SPARCL1: variants seen among roughly 807,000 people sequenced by gnomAD.
SPARCL1 encodes the protein SPARC-like protein 1.
SPARCL1 carries 52 observed loss-of-function variants against 67.1 expected under a neutral mutation model. That is an observed-to-expected ratio of 0.78 (90% CI 0.62 to 0.98). The LOEUF (loss-of-function observed/expected upper bound fraction) is 0.98. SPARCL1 is among the 50% of genes least tolerant of loss of function. The probability of loss-of-function intolerance (pLI) is 0.00; values close to 1 mark genes in which losing one functional copy is unlikely to be tolerated. For synonymous variants in SPARCL1, 226 were observed against 267.8 expected (o/e 0.84, Z 1.52); for missense variants, 717 against 782.4 (o/e 0.92, Z 1.00).
At chr4:87,523,788 T>A (rs147754737) in intron 1 of SPARCL1, among the ~76,000 whole-genome samples, 1 of 152,334 alleles carries the variant, frequency 6.6e-6, no homozygotes, top group African/African-American at 2.4e-5. Flanking sequence ...ATCCCAAGTG[T>A]ACATTACAAT....
chr4:87,519,637 T>C (rs954801013), intron 1 of SPARCL1, among the ~76,000 whole-genome samples: 2 of 152,170 alleles, frequency 1.3e-5, no homozygotes, highest in East Asian at 3.9e-4. Context: ...CAAATTTTTT[T>C]CCCTATAAGC....
chr4:87,493,985 G>A lies in SPARCL1; in HGVS notation c.815C>T (p.Ser272Phe). ...DQGNQEQEDN[S>F]NAEMEEENAS... ...ATTTTCCTCTTCCATTTCTGCATTG[G>A]AGTTATCTTCTTGTTCTTGGTTACC... The change falls in exon 4 of 11, where the codon TCC becomes TTC. Residue 272 changes from serine to phenylalanine, a missense_variant. Ser to Phe is a radical substitution (Grantham distance 155). Coordinates refer to ENST00000282470, the MANE Select transcript of SPARCL1 (RefSeq NM_004684.6). The A allele has an allele frequency of 6.2e-7, 1 of 1,614,024 alleles. No homozygotes were observed. Among genetic ancestry groups the A allele is most frequent in the Non-Finnish European group, 8.5e-7 (1 of 1,180,018 alleles).
rs765359802 is a variant in SPARCL1, at chr4:87,493,670, A to G, written c.1130T>C (p.Ile377Thr). The change falls in exon 4 of 11, where the codon ATT becomes ACT. Residue 377 changes from isoleucine (I) to threonine (T), a missense_variant. Physicochemically the swap from Ile to Thr is moderately conservative, Grantham distance 89. Transcript: ENST00000282470. Reference sequence around the variant, plus strand: ...CTCCTCAATTTTGAGGTGATAGGCAATGGATTGAGCTCTCTCGGCCTCCAG... The same window carrying G: ...CTCCTCAATTTTGAGGTGATAGGCAGTGGATTGAGCTCTCTCGGCCTCCAG... ...AFLEAERAQS[I>T]AYHLKIEEQR... 3.1e-6 allele frequency: 5 copies of G among 1,614,110 alleles called. No homozygotes were observed. The East Asian group carries it at 1.1e-4, about 36-fold the overall frequency.
At chr4:87,508,513 T>G (rs1725203576) in intron 1 of SPARCL1, among the ~76,000 whole-genome samples, 1 of 152,054 alleles carries the variant, frequency 6.6e-6, no homozygotes, top group Admixed American at 6.6e-5. Flanking sequence ...TCTTGGCCTC[T>G]CCATGCAACA....
At chr4:87,511,387 C>A (rs7681162) in intron 1 of SPARCL1, among the ~76,000 whole-genome samples, 8,330 of 152,182 alleles carry the variant, frequency 0.055, 737 homozygotes, top group African/African-American at 0.19. Context: ...TTTTAGAAGA[C>A]AGACGGTGGA....
intron 7 of SPARCL1, among the ~76,000 whole-genome samples, chr4:87,489,280 T>C (rs1015178173): frequency 5.9e-5 from 9 of 152,196 alleles, no homozygotes; most frequent in Non-Finnish European, 7.3e-5. Context: ...AAGCGTAGTA[T>C]CTGGGCCAGA....
At chr4:87,503,819 C>T (rs1208541188) in intron 1 of SPARCL1, among the ~76,000 whole-genome samples, 1 of 151,714 alleles carries the variant, frequency 6.6e-6, no homozygotes, top group Non-Finnish European at 1.5e-5. Context: ...GCTGGAATAA[C>T]AGACATGTGC....
At chr4:87,527,232 G>A (rs1258737666) in intron 1 of SPARCL1, among the ~76,000 whole-genome samples, 1 of 152,152 alleles carries the variant, frequency 6.6e-6, no homozygotes, top group African/African-American at 2.4e-5. Flanking sequence ...TGCCCTGTGA[G>A]CCCCGTAAGA....
At chr4:87,483,153 G>A (rs1464846759) in intron 7 of SPARCL1, among the ~76,000 whole-genome samples, 1 of 149,818 alleles carries the variant, frequency 6.7e-6, no homozygotes. Flanking sequence ...TTGTTACATA[G>A]GTATACACAT....
chr4:87,521,688 G>C (rs914242661), intron 1 of SPARCL1, among the ~76,000 whole-genome samples: 2 of 152,130 alleles, frequency 1.3e-5, no homozygotes, highest in Non-Finnish European at 2.9e-5. Flanking sequence ...TTATCACTTT[G>C]TCTAAAGTTT....
intron 1 of SPARCL1, among the ~76,000 whole-genome samples, chr4:87,522,496 CTGCTCTGCCCT>C (rs1725858708): frequency 6.6e-6 from 1 of 151,956 alleles, no homozygotes; most frequent in African/African-American, 2.4e-5. Context: ...ACATCTTCCA[CTGCTCTGCCCT>C]TGCTCTCGGG....
At chr4:87,498,280 AC>A (rs1724704303) in intron 2 of SPARCL1, among the ~76,000 whole-genome samples, 1 of 152,206 alleles carries the variant, frequency 6.6e-6, no homozygotes. Flanking sequence ...TCTTCCAAGA[AC>A]AGCTTGGTCT....
At chr4:87,512,544 C>A (rs924406902) in intron 1 of SPARCL1, among the ~76,000 whole-genome samples, 3 of 152,006 alleles carry the variant, frequency 2.0e-5, no homozygotes, top group African/African-American at 4.8e-5. Context: ...AAAGCTTGAC[C>A]CAGACTATTG....
intron 1 of SPARCL1, among the ~76,000 whole-genome samples, chr4:87,509,769 G>GT (rs1725267043): frequency 6.6e-6 from 1 of 151,470 alleles, no homozygotes; most frequent in African/African-American, 2.5e-5. Flanking sequence ...AAGAATTATT[G>GT]TAAGTGTCTG....
At chr4:87,528,243 A>T (rs1726133480) in intron 1 of SPARCL1, 1 of 151,362 alleles carries the variant, frequency 6.6e-6, no homozygotes, top group African/African-American at 2.4e-5. Context: ...CCTGGGAAGG[A>T]TGAATAAGCA....
At chr4:87,520,013 G>A (rs1725739939) in intron 1 of SPARCL1, among the ~76,000 whole-genome samples, 2 of 152,190 alleles carry the variant, frequency 1.3e-5, no homozygotes, top group African/African-American at 2.4e-5. Context: ...GCCGAGGTGG[G>A]TGGATCACTT....
rs1287847762 is a variant in SPARCL1 at position 87,473,482 on chromosome 4, CATTA to C, written c.*289_*292del. On this transcript the variant is annotated 3_prime_UTR_variant, in exon 11 of 11. Transcript: ENST00000282470. ...TTATTTTTATCATTAATAGTTTAAT[CATTA>C]ATTATCTCATAAGTCAATGCAGAGA... 4 of 257,704 alleles carry C rather than the reference CATTA, an allele frequency of 1.6e-5. No individual in the cohort carries two copies. The highest frequency in any genetic ancestry group is 7.5e-5 in the East Asian group (1 of 13,348). 16.0% of individuals were successfully genotyped at this position (257,704 alleles called of 1,614,324 possible).
intron 1 of SPARCL1, among the ~76,000 whole-genome samples, chr4:87,509,789 G>A (rs938211472): frequency 6.6e-6 from 1 of 152,214 alleles, no homozygotes; most frequent in Non-Finnish European, 1.5e-5. Context: ...GTGTGTGCAC[G>A]CATGTGTGTA....
intron 10 of SPARCL1, among the ~76,000 whole-genome samples, chr4:87,474,791 A>G (rs1265722005): frequency 4.6e-4 from 63 of 136,172 alleles, no homozygotes; most frequent in African/African-American, 1.6e-3. Context: ...CACCCAGGCC[A>G]GACTGAAGTG....
Sources: allele counts gnomAD v4.1 joint callset (sites outside exome capture counted in the v4.1 genomes callset), GRCh38; gene constraint gnomAD v4.1.1; transcripts MANE v1.5; gene names NCBI Gene and HGNC (gene_info 2026-07-23, HGNC 2026-07-21).